Variants in OTUD7A observed in about 807,000 individuals in gnomAD.
The protein encoded by OTUD7A is OTU domain-containing protein 7A.
In OTUD7A, 12 loss-of-function variants were observed where a neutral mutation model predicts 65.7. That is an observed-to-expected ratio of 0.18 (90% confidence interval 0.12 to 0.30). The LOEUF is 0.30. OTUD7A is among the 10% of genes least tolerant of loss of function. The probability of loss-of-function intolerance (pLI) is 1.00; values close to 1 mark genes in which losing one functional copy is unlikely to be tolerated. For missense variants in OTUD7A, 1,148 were observed against 1,304.8 expected (o/e 0.88, Z 1.85); for synonymous variants, 641 against 586.3 (o/e 1.09, Z -1.35).
At chr15:31,786,081 G>A (rs772787138) in intron 1 of OTUD7A, among the ~76,000 whole-genome samples, 2 of 152,066 alleles carry the variant, frequency 1.3e-5, no homozygotes, top group African/African-American at 2.4e-5. Context: ...GAGCCAGCAC[G>A]CTCAGCCCTC....
chr15:31,559,890 C>T (rs1888634882), intron 4 of OTUD7A, among the ~76,000 whole-genome samples: 1 of 152,228 alleles, frequency 6.6e-6, no homozygotes, highest in Non-Finnish European at 1.5e-5. Flanking sequence ...CCCTTATATC[C>T]TACAAGCCTT....
intron 1 of OTUD7A, among the ~76,000 whole-genome samples, chr15:31,804,319 G>A (rs905436): frequency 0.095 from 14,533 of 152,200 alleles, 1,163 homozygotes; most frequent in East Asian, 0.45. Flanking sequence ...TAAAACCACA[G>A]CTCTGATGGA....
chr15:31,567,260 G>A (rs558082965), intron 4 of OTUD7A, among the ~76,000 whole-genome samples: 2 of 152,330 alleles, frequency 1.3e-5, no homozygotes, highest in African/African-American at 2.4e-5. Context: ...ATGGTCACGT[G>A]TTTTGCCTTA....
At chr15:31,852,441 T>A (rs145492755) in intron 1 of OTUD7A, among the ~76,000 whole-genome samples, 1 of 152,220 alleles carries the variant, frequency 6.6e-6, no homozygotes, top group Non-Finnish European at 1.5e-5. Context: ...TATAACTATT[T>A]TAAACTGAGA....
intron 3 of OTUD7A, among the ~76,000 whole-genome samples, chr15:31,631,039 C>A (rs1891132548): frequency 6.6e-6 from 1 of 152,274 alleles, no homozygotes; most frequent in Non-Finnish European, 1.5e-5. Context: ...GACTCTTTAT[C>A]CAATTTGCCA....
chr15:31,740,105 G>C (rs1361318782), intron 1 of OTUD7A, among the ~76,000 whole-genome samples: 1 of 152,208 alleles, frequency 6.6e-6, no homozygotes, highest in Admixed American at 6.5e-5. Context: ...GGAGTGTGAG[G>C]ACATGAGTGG....
At chr15:31,824,399 G>A (rs964935023) in intron 1 of OTUD7A, among the ~76,000 whole-genome samples, 66 of 152,068 alleles carry the variant, frequency 4.3e-4, no homozygotes, top group African/African-American at 1.5e-3. Context: ...ACAACACACT[G>A]AGCATTCGGC....
At chr15:31,767,502 T>C (rs1342947501) in intron 1 of OTUD7A, 10 of 772,360 alleles carry the variant, frequency 1.3e-5, no homozygotes, top group African/African-American at 5.1e-5. Context: ...GTCATCTGAT[T>C]TGTTTTGTAG....
chr15:31,810,430 A>T (rs977506642), intron 1 of OTUD7A, among the ~76,000 whole-genome samples: 1 of 152,156 alleles, frequency 6.6e-6, no homozygotes, highest in African/African-American at 2.4e-5. Flanking sequence ...CTAAACCAAT[A>T]GGGTTTGTGT....
chr15:31,831,960 AG>A (rs1379774751), intron 1 of OTUD7A, among the ~76,000 whole-genome samples: 1 of 152,078 alleles, frequency 6.6e-6, no homozygotes, highest in Admixed American at 6.5e-5. Flanking sequence ...GCCTGGCGGA[AG>A]GGCTGGGGCA....
At chr15:31,585,823 C>T (rs554334143) in intron 3 of OTUD7A, among the ~76,000 whole-genome samples, 28 of 152,256 alleles carry the variant, frequency 1.8e-4, no homozygotes, top group Admixed American at 5.2e-4. Flanking sequence ...TGGAAGAACA[C>T]ATACTAGCTT....
intron 1 of OTUD7A, among the ~76,000 whole-genome samples, chr15:31,728,892 C>T (rs1893966342): frequency 6.6e-6 from 1 of 152,172 alleles, no homozygotes; most frequent in African/African-American, 2.4e-5. Flanking sequence ...TGGCCTGATG[C>T]CCAGTGCAGA....
In OTUD7A at chr15:31,808,626, C is replaced by T. The variant is rs76367874; in HGVS notation, c.-100+61881G>A. ...CTGATGCACTTCCCTTTTAAGGATG[C>T]CAGAGCATGACATCAGTTCTGCTTC... On this transcript the variant is annotated intron_variant, in intron 1 of 12. Transcript: ENST00000307050. Among the ~76,000 whole-genome samples the T allele has an allele frequency of 1.7e-3, 254 of 152,296 alleles. 1 individual carries two copies. The highest frequency in any genetic ancestry group is 5.8e-3 in the African/African-American group (239 of 41,558).
chr15:31,788,502 A>C (rs1895732318), intron 1 of OTUD7A, among the ~76,000 whole-genome samples: 1 of 152,228 alleles, frequency 6.6e-6, no homozygotes. Context: ...AGTTTCGATG[A>C]TACAGGTTAA....
intron 8 of OTUD7A, among the ~76,000 whole-genome samples, chr15:31,515,938 C>CCATA (rs1212629118): frequency 1.4e-5 from 2 of 146,716 alleles, no homozygotes; most frequent in Admixed American, 1.4e-4. Flanking sequence ...CTCTATCCAT[C>CCATA]CATCCATCCA....
chr15:31,690,334 T>A (rs143112590), intron 1 of OTUD7A, among the ~76,000 whole-genome samples: 2,559 of 152,216 alleles, frequency 0.017, 32 homozygotes, highest in Non-Finnish European at 0.027. Flanking sequence ...CTCTCATTGG[T>A]CCTTTATTAA....
intron 1 of OTUD7A, among the ~76,000 whole-genome samples, chr15:31,682,161 T>C (rs1892732532): frequency 6.6e-6 from 1 of 152,238 alleles, no homozygotes; most frequent in South Asian, 2.1e-4. Flanking sequence ...AGGGTCCATG[T>C]AGACCTGGAG....
intron 1 of OTUD7A, among the ~76,000 whole-genome samples, chr15:31,864,552 C>T (rs557552923): frequency 2.6e-5 from 4 of 152,178 alleles, no homozygotes; most frequent in South Asian, 4.1e-4. Flanking sequence ...TTCACTATCA[C>T]GAGTATAGCA....
chr15:31,767,580 T>C, intron 1 of OTUD7A: 1 of 811,468 alleles, frequency 1.2e-6, no homozygotes, highest in Non-Finnish European at 2.2e-6. Flanking sequence ...TTTGGATTTA[T>C]GACTTCTTCT....
Sources: allele counts gnomAD v4.1 joint callset (sites outside exome capture counted in the v4.1 genomes callset), GRCh38; gene constraint gnomAD v4.1.1; transcripts MANE v1.5; gene names NCBI Gene and HGNC (gene_info 2026-07-23, HGNC 2026-07-21).